EGFL8: variants seen among roughly 807,000 people sequenced by gnomAD.
EGFL8 encodes the protein EGF like domain multiple 8.
EGFL8 carries 32 observed loss-of-function variants against 39.4 expected under a neutral mutation model. The observed-to-expected ratio is 0.81, with a 90% confidence interval of 0.61 to 1.09. The LOEUF is 1.09. Among genes scored for constraint, EGFL8 ranks in the 50% least tolerant of loss-of-function variants. The pLI, the probability that EGFL8 is intolerant of heterozygous loss-of-function variation, is 0.00. For missense variants in EGFL8, 385 were observed against 402.2 expected (o/e 0.96, Z 0.37); for synonymous variants, 177 against 168.5 (o/e 1.05, Z -0.39).
In EGFL8 at chr6:32,164,867, G is replaced by A. The variant is rs991210310; in HGVS notation, c.-29+210G>A. ...TGGAGTTTCCAGGTGCTTGGTTTGT[G>A]TGTACGGTGTGAAGGTATATAGCTA... On this transcript the variant is annotated intron_variant, in intron 1 of 8. Transcript: ENST00000333845. This position sits in a 1 kb window ranked among gnomAD's most constrained non-coding sequence, Gnocchi z 5.4. 7.2e-5 allele frequency among the ~76,000 whole-genome samples: 11 copies of A among 151,994 alleles called. No homozygotes were observed. Among genetic ancestry groups the A allele is most frequent in the Admixed American group, 2.6e-4 (4 of 15,262 alleles).
rs1387096230 is a variant in EGFL8 at position 32,166,855 on chromosome 6, A to G, written c.334+45A>G. The G allele has an allele frequency of 4.4e-6, 7 of 1,583,010 alleles. No individual in the cohort carries two copies. The African/African-American group carries it at 9.4e-5, about 21-fold the overall frequency. ...GCCTTGCGGGAGGCGCGCCCCACGG[A>G]GCTGGGGAGCTGGGTCGTCGGTTTG... On this transcript the variant is annotated intron_variant, in intron 4 of 8. Transcript: ENST00000333845. The surrounding 1 kb of genome is among the most constrained non-coding windows in gnomAD (Gnocchi z 7.3).
chr6:32,166,802 C>T lies in EGFL8; in HGVS notation c.326C>T (p.Thr109Ile). ...AAGAAGCGGCACCCGGGGGCGCTCA[C>T]CTGTGAAGGTGAGGCTGGGTCTTCC... Reference protein sequence around the residue: ...GWKKRHPGALTCEAICAKPCL... With the variant: ...GWKKRHPGALICEAICAKPCL... The change falls in exon 4 of 9, where the codon ACC (threonine) becomes ATC (isoleucine). Residue 109 changes from threonine (T) to isoleucine (I), a missense_variant. Physicochemically the swap from Thr to Ile is moderately conservative, Grantham distance 89. Transcript: ENST00000333845. This position sits in a 1 kb window ranked among gnomAD's most constrained non-coding sequence, Gnocchi z 7.3. 1 of 1,572,220 alleles carries T rather than the reference C, an allele frequency of 6.4e-7. No individual in the cohort carries two copies. The highest frequency in any genetic ancestry group is 8.6e-7 in the Non-Finnish European group (1 of 1,157,916).
Position 32,164,757 on chromosome 6 carries a change from G to A in EGFL8, c.-29+100G>A. 1.5e-6 allele frequency: 1 copy of A among 669,308 alleles called. No homozygotes were observed. Among genetic ancestry groups the A allele is most frequent in the South Asian group, 1.6e-5 (1 of 64,382 alleles). The allele number at this position is 669,308 out of a possible 1,614,324, so 41.5% of individuals were successfully genotyped here. On this transcript the variant is annotated intron_variant, in intron 1 of 8. Transcript: ENST00000333845. This position sits in a 1 kb window ranked among gnomAD's most constrained non-coding sequence, Gnocchi z 5.4. ...CCTTAGGGTGGGCATGAGTTGCGGGGTGTTTTGTTGGAGCAAGGGATGTGC... is the reference window on the plus strand; with the variant it reads ...CCTTAGGGTGGGCATGAGTTGCGGGATGTTTTGTTGGAGCAAGGGATGTGC...
chr6:32,166,481 C>T lies in EGFL8; in HGVS notation c.102-17C>T, dbSNP rs773176213. The T allele has an allele frequency of 6.2e-7, 1 of 1,613,356 alleles. No homozygotes were observed. Among genetic ancestry groups the T allele is most frequent in the Non-Finnish European group, 8.5e-7 (1 of 1,180,014 alleles). On this transcript the variant is annotated splice_polypyrimidine_tract_variant and intron_variant, in intron 2 of 8. Transcript: ENST00000333845. The surrounding 1 kb of genome is among the most constrained non-coding windows in gnomAD (Gnocchi z 7.3). ...CCTACTCAATCTCTCCCACCTCATC[C>T]TCTGGCATGGACGCAGTCAGGGAGT...
intron 1 of EGFL8, chr6:32,165,726 C>T (rs887781055): frequency 2.4e-5 from 5 of 211,890 alleles, no homozygotes; most frequent in Admixed American, 5.2e-5. Context: ...GGAGGTCGTG[C>T]GGTGAGGCAA....
chr6:32,165,992 G>T, intron 1 of EGFL8, 146 bp from the exon 2 acceptor site: 3 of 668,824 alleles, frequency 4.5e-6, no homozygotes, highest in Non-Finnish European at 8.2e-6. Context: ...TGTACACACA[G>T]GTGTAGGCAA....
intron 1 of EGFL8, chr6:32,165,842 TTGAC>T: frequency 2.2e-6 from 1 of 447,194 alleles, no homozygotes; most frequent in Non-Finnish European, 4.0e-6. Context: ...AAGGGGAGGG[TTGAC>T]TGTGTGTCCC....
rs1281404347 is a variant in EGFL8, at chr6:32,166,689, G to A, written c.225-12G>A. 6 of 1,612,918 alleles carry A rather than the reference G, an allele frequency of 3.7e-6. No individual in the cohort carries two copies. The highest frequency in any genetic ancestry group is 1.1e-5 in the South Asian group (1 of 91,056). On this transcript the variant is annotated splice_polypyrimidine_tract_variant and intron_variant, in intron 3 of 8. Transcript: ENST00000333845. The surrounding 1 kb of genome is among the most constrained non-coding windows in gnomAD (Gnocchi z 7.3). ...CCGTACTCAGGGTCCTGAGCCGGGC[G>A]CTGTGTTCCAGGACCATGTACCGCG...
Position 32,167,470 on chromosome 6 carries a change from T to C in EGFL8, c.682-33T>C. The C allele has an allele frequency of 6.2e-7, 1 of 1,611,260 alleles. No individual in the cohort carries two copies. Among genetic ancestry groups the C allele is most frequent in the South Asian group, 1.1e-5 (1 of 91,062 alleles). On this transcript the variant is annotated intron_variant, in intron 7 of 8. Coordinates refer to ENST00000333845, the MANE Select transcript of EGFL8 (RefSeq NM_030652.4). This position sits in a 1 kb window ranked among gnomAD's most constrained non-coding sequence, Gnocchi z 6.4. ...TGGGTGGGGCGAGGCCAGACGTCACTGTCAATACCCTGAGGCATCTCTTCC... is the reference window on the plus strand; with the variant it reads ...TGGGTGGGGCGAGGCCAGACGTCACCGTCAATACCCTGAGGCATCTCTTCC...
chr6:32,165,492 T>G (rs1335792440), intron 1 of EGFL8: 1 of 137,392 alleles, frequency 7.3e-6, no homozygotes, highest in Non-Finnish European at 1.5e-5. Context: ...AGGCGGAGCT[T>G]GCAGCAAGCC....
Position 32,166,332 on chromosome 6 carries a change from TTCAC to T in EGFL8, c.101+67_101+70del, listed in dbSNP as rs1192687812. 1 of 1,598,378 alleles carries T rather than the reference TTCAC, an allele frequency of 6.3e-7. No individual in the cohort carries two copies. The highest frequency in any genetic ancestry group is 2.2e-5 in the East Asian group (1 of 44,744). ...AGGAGCCTTCTGCTGGGGGTGGGGC[TTCAC>T]AGGAGGCAAAACATAACTGTAAGTT... On this transcript the variant is annotated intron_variant, in intron 2 of 8. Transcript: ENST00000333845. This position sits in a 1 kb window ranked among gnomAD's most constrained non-coding sequence, Gnocchi z 7.3.
chr6:32,168,120 G>C lies in EGFL8; in HGVS notation c.*164G>C. On this transcript the variant is annotated 3_prime_UTR_variant, in exon 9 of 9. Transcript: ENST00000333845. This position sits in a 1 kb window ranked among gnomAD's most constrained non-coding sequence, Gnocchi z 4.5. ...AAGAAAGGGGGAGGCCTGTGTTCTT[G>C]GCCTGCCCCTGAGTCTTCTGGCTGG... The C allele has an allele frequency of 1.4e-6, 1 of 700,338 alleles. No homozygotes were observed. Among genetic ancestry groups the C allele is most frequent in the Non-Finnish European group, 2.4e-6 (1 of 419,354 alleles). 43.4% of individuals were successfully genotyped at this position (700,338 alleles called of 1,614,324 possible). A position where few individuals can be genotyped will look rare whatever the true frequency, so the allele number is the denominator to read the frequency against.
In EGFL8 at chr6:32,166,745, A is replaced by C; in HGVS notation, c.269A>C (p.Gln90Pro). ...TGGCGGGAGGTGAGGCGGGAGGTTC[A>C]GCAGACCCATGCAGTGTGCTGCCAG... ...VMWREVRREV[Q>P]QTHAVCCQGW... Residue 90 changes from glutamine (Q) to proline (P), a missense_variant, in exon 4 of 9, where the codon CAG (glutamine) becomes CCG (proline). By Grantham distance (76) the Gln-to-Pro change is moderately conservative (BLOSUM62 -1). Transcript: ENST00000333845. This position sits in a 1 kb window ranked among gnomAD's most constrained non-coding sequence, Gnocchi z 7.3. 1 of 1,587,594 alleles carries C rather than the reference A, an allele frequency of 6.3e-7. No homozygotes were observed. Among genetic ancestry groups the C allele is most frequent in the Non-Finnish European group, 8.6e-7 (1 of 1,164,886 alleles).
rs576566774 is a variant in EGFL8, at chr6:32,167,603, G to A, written c.782G>A (p.Arg261Gln). 106 of 1,611,184 alleles carry A rather than the reference G, an allele frequency of 6.6e-5. No homozygotes were observed. Among genetic ancestry groups the A allele is most frequent in the Middle Eastern group, 1.7e-4 (1 of 5,966 alleles). ...QVAELWGRGD[R>Q]IESLSDQVLL... is the part of the protein sequence containing the mutation. ...GCTGAGCTGTGGGGCCGGGGTGACC[G>A]GATCGAATCTCTCAGCGACCAGGTG... Residue 261 changes from arginine (R) to glutamine (Q), a missense_variant, in exon 8 of 9, where the codon CGG (arginine) becomes CAG (glutamine). Transcript: ENST00000333845. The surrounding 1 kb of genome is among the most constrained non-coding windows in gnomAD (Gnocchi z 6.4).
rs1338672362 is a variant in EGFL8 at position 32,167,194 on chromosome 6, G to A, written c.538G>A (p.Gly180Arg). The A allele has an allele frequency of 1.2e-6, 2 of 1,612,864 alleles. No homozygotes were observed. The highest frequency in any genetic ancestry group is 1.7e-6 in the Non-Finnish European group (2 of 1,180,028). ...CCATGACCTAGTGCTAGGCGTGGAC[G>A]GGCGCACCTGCATGGAGGGGTCCCC... Reference protein sequence around the residue: ...CPHDLVLGVDGRTCMEGSPEP... With the variant: ...CPHDLVLGVDRRTCMEGSPEP... Residue 180 changes from glycine to arginine, a missense_variant, in exon 6 of 9, where the codon GGG becomes AGG. Transcript: ENST00000333845. This position sits in a 1 kb window ranked among gnomAD's most constrained non-coding sequence, Gnocchi z 6.4.
rs531678040 is a variant in EGFL8, at chr6:32,167,431, T to A, written c.681+2T>A. On this transcript the variant is annotated splice_donor_variant, in intron 7 of 8. Coordinates refer to ENST00000333845, the MANE Select transcript of EGFL8 (RefSeq NM_030652.4). LOFTEE classifies it high-confidence loss of function. This position sits in a 1 kb window ranked among gnomAD's most constrained non-coding sequence, Gnocchi z 6.4. ...GGGCGCCTGGAGCGGCTGGAGCAGG[T>A]GAGCCAAGCCTGCTGGGTGGGGCGA... The A allele has an allele frequency of 2.5e-6, 4 of 1,612,604 alleles. No homozygotes were observed. Among genetic ancestry groups the A allele is most frequent in the Non-Finnish European group, 3.4e-6 (4 of 1,180,002 alleles).
In EGFL8 at chr6:32,167,774, G is replaced by A. The variant is rs1784673278; in HGVS notation, c.835+118G>A. 3.9e-6 allele frequency: 6 copies of A among 1,522,158 alleles called. No homozygotes were observed. Among genetic ancestry groups the A allele is most frequent in the South Asian group, 2.4e-5 (2 of 82,916 alleles). 94.3% of individuals were successfully genotyped at this position (1,522,158 alleles called of 1,614,324 possible). ...CCTCTCCAACATTCACTATCCTCATGCCTCTCCACTTTACCATCGTTCTCT... is the reference window on the plus strand; with the variant it reads ...CCTCTCCAACATTCACTATCCTCATACCTCTCCACTTTACCATCGTTCTCT... On this transcript the variant is annotated intron_variant, in intron 8 of 8. Transcript: ENST00000333845. This position sits in a 1 kb window ranked among gnomAD's most constrained non-coding sequence, Gnocchi z 6.4.
chr6:32,165,719 G>C (rs935032475), intron 1 of EGFL8: 1 of 204,352 alleles, frequency 4.9e-6, no homozygotes, highest in Non-Finnish European at 1.0e-5. Flanking sequence ...GGGGGGCGGA[G>C]GTCGTGCGGT....
chr6:32,166,643 C>T lies in EGFL8; in HGVS notation c.224+23C>T. 6.2e-7 allele frequency: 1 copy of T among 1,614,158 alleles called. No homozygotes were observed. The highest frequency in any genetic ancestry group is 2.2e-5 in the East Asian group (1 of 44,866). On this transcript the variant is annotated intron_variant, in intron 3 of 8. Transcript: ENST00000333845. The surrounding 1 kb of genome is among the most constrained non-coding windows in gnomAD (Gnocchi z 7.3). ...CAGGTGAGGGATGGGGAGATGGGACCCCAAGAACCCCAACTAGGACCCGTA... is the reference window on the plus strand; with the variant it reads ...CAGGTGAGGGATGGGGAGATGGGACTCCAAGAACCCCAACTAGGACCCGTA...
Sources: allele counts gnomAD v4.1 joint callset (sites outside exome capture counted in the v4.1 genomes callset), GRCh38; gene constraint gnomAD v4.1.1; non-coding constraint Gnocchi (gnomAD v3.1); transcripts MANE v1.5; gene names NCBI Gene and HGNC (gene_info 2026-07-23, HGNC 2026-07-21).